Variants in ACSF2 observed in about 807,000 individuals in gnomAD.
The protein encoded by ACSF2 is acyl-CoA synthetase family member 2.
Under a neutral mutation model 79.3 loss-of-function variants are expected in ACSF2, and 52 were observed. The ratio of observed to expected loss-of-function variants is 0.66; its 90% CI spans 0.53 to 0.83. ACSF2 has a LOEUF of 0.83. Among genes scored for constraint, ACSF2 ranks in the 40% least tolerant of loss-of-function variants. The probability of loss-of-function intolerance (pLI) is 0.00; values close to 1 mark genes in which losing one functional copy is unlikely to be tolerated. For missense variants in ACSF2, 661 were observed against 803.3 expected, an observed-to-expected ratio of 0.82 and a Z score of 2.14; for synonymous variants, 283 against 312.6, an observed-to-expected ratio of 0.91 and a Z score of 1.00.
In ACSF2 at chr17:50,473,542, T is replaced by C. The variant is rs529587770; in HGVS notation, c.1476-123T>C. Reference sequence around the variant, plus strand: ...CAGAGACTGTGTCTTGTTCCTGCTATGTCTCCCAGAGTCTAGAGCAGTGGA... The same window carrying C: ...CAGAGACTGTGTCTTGTTCCTGCTACGTCTCCCAGAGTCTAGAGCAGTGGA... On this transcript the variant is annotated intron_variant, in intron 12 of 15. Coordinates refer to ENST00000300441, the MANE Select transcript of ACSF2 (RefSeq NM_025149.6). 1.3e-4 allele frequency: 171 copies of C among 1,363,162 alleles called. No individual in the cohort carries two copies. The Middle Eastern group carries it at 1.5e-3, about 12-fold the overall frequency. 84.4% of individuals were successfully genotyped at this position (1,363,162 alleles called of 1,614,324 possible). A position where few individuals can be genotyped will look rare whatever the true frequency, so the allele number is the denominator to read the frequency against.
Position 50,462,464 on chromosome 17 carries a change from C to G in ACSF2, c.671C>G (p.Pro224Arg). The G allele has an allele frequency of 6.2e-7, 1 of 1,605,338 alleles. No individual in the cohort carries two copies. The highest frequency in any genetic ancestry group is 8.5e-7 in the Non-Finnish European group (1 of 1,176,502). The change falls in exon 6 of 16, where the codon CCG (proline) becomes CGG (arginine). Residue 224 changes from proline to arginine, a missense_variant. By Grantham distance (103) the Pro-to-Arg change is moderately radical. Coordinates refer to ENST00000300441, the MANE Select transcript of ACSF2 (RefSeq NM_025149.6). Reference protein sequence around the residue: ...TTVISVDAPLPGTLLLDEVVA... With the variant: ...TTVISVDAPLRGTLLLDEVVA... ...GTCATCTCGGTGGATGCCCCTTTGC[C>G]GGGGACCCTGCTCCTGGATGAAGTG...
chr17:50,466,004 G>A, intron 10 of ACSF2: 1 of 869,590 alleles, frequency 1.1e-6, no homozygotes, highest in Non-Finnish European at 1.8e-6. Context: ...AGTTTTCAAA[G>A]CAGTATGACC....
chr17:50,464,334 C>A, intron 10 of ACSF2, 40 bp downstream of exon 10: 4 of 1,595,636 alleles, frequency 2.5e-6, no homozygotes, highest in Non-Finnish European at 3.4e-6. Context: ...GCAGGCCAGG[C>A]CTGGGATGAC....
chr17:50,439,259 T>TTTTTTTTG (rs1338650993), intron 1 of ACSF2, among the ~76,000 whole-genome samples: 1 of 147,232 alleles, frequency 6.8e-6, no homozygotes, highest in South Asian at 2.2e-4. Context: ...TTTTTTTTTT[T>TTTTTTTTG]AGAGATGGTC....
At chr17:50,448,532 A>T (rs1487755507) in intron 1 of ACSF2, among the ~76,000 whole-genome samples, 2 of 152,244 alleles carry the variant, frequency 1.3e-5, no homozygotes, top group African/African-American at 4.8e-5. Flanking sequence ...ACAGAAAAAA[A>T]GTCTTCAAGT....
At chr17:50,467,782 T>A (rs573769070) in intron 10 of ACSF2, 10 of 402,146 alleles carry the variant, frequency 2.5e-5, no homozygotes, top group African/African-American at 2.0e-4. Flanking sequence ...CTAGGGGGCC[T>A]TTTGTGGGGC....
At chr17:50,440,623 G>T (rs890020952) in intron 1 of ACSF2, among the ~76,000 whole-genome samples, 3 of 152,178 alleles carry the variant, frequency 2.0e-5, no homozygotes, top group African/African-American at 7.2e-5. Flanking sequence ...GTGACCTCTA[G>T]CCCCCGACTT....
chr17:50,473,476 G>T, intron 12 of ACSF2, 189 bp from the exon 13 acceptor site: 1 of 686,336 alleles, frequency 1.5e-6, no homozygotes, highest in Non-Finnish European at 2.4e-6. Flanking sequence ...GTATTGTTTT[G>T]TTTTTGTCTA....
At chr17:50,456,454 C>T (rs558814433) in intron 1 of ACSF2, among the ~76,000 whole-genome samples, 45 of 152,248 alleles carry the variant, frequency 3.0e-4, no homozygotes, top group South Asian at 8.3e-4. Context: ...ACCTGGTGGC[C>T]GGGCGCGGTG....
At chr17:50,448,306 T>C (rs2031431351) in intron 1 of ACSF2, among the ~76,000 whole-genome samples, 3 of 152,234 alleles carry the variant, frequency 2.0e-5, no homozygotes, top group Admixed American at 2.0e-4. Flanking sequence ...TATAATCTTA[T>C]GGGACCACTG....
chr17:50,468,812 A>G lies in ACSF2; in HGVS notation c.1216-2216A>G, dbSNP rs1341357487. ...GCTGAGCAAGAGCATTGGGCGGACC[A>G]TGGCTGGGACGCCTGGGGCCGGGGC... On this transcript the variant is annotated intron_variant, in intron 10 of 15. Transcript: ENST00000300441. The G allele has an allele frequency of 2.0e-6, 3 of 1,526,844 alleles. No individual in the cohort carries two copies. In the Admixed American group the frequency reaches 6.1e-5, roughly 31 times the overall value. The allele number at this position is 1,526,844 out of a possible 1,614,324, so 94.6% of individuals were successfully genotyped here. A position where few individuals can be genotyped will look rare whatever the true frequency, so the allele number is the denominator to read the frequency against.
chr17:50,443,609 CCAATTTCCAGG>C (rs1191130849), intron 1 of ACSF2, among the ~76,000 whole-genome samples: 6 of 152,198 alleles, frequency 3.9e-5, no homozygotes, highest in Non-Finnish European at 8.8e-5. Flanking sequence ...CTTTCCCTCT[CCAATTTCCAGG>C]CACGCCCAGC....
chr17:50,472,659 C>T, intron 12 of ACSF2, 80 bp downstream of exon 12: 1 of 1,489,412 alleles, frequency 6.7e-7, no homozygotes, highest in South Asian at 1.4e-5. Flanking sequence ...GAACATTAAC[C>T]TGGCACCGTG....
chr17:50,461,431 C>G, intron 3 of ACSF2, 61 bp downstream of exon 3: 6 of 1,607,836 alleles, frequency 3.7e-6, no homozygotes, highest in Non-Finnish European at 5.1e-6. Context: ...TGAAGGGGAG[C>G]CCCTCAGGCC....
intron 1 of ACSF2, among the ~76,000 whole-genome samples, chr17:50,429,164 G>A (rs1220518909): frequency 6.6e-6 from 1 of 152,256 alleles, no homozygotes; most frequent in African/African-American, 2.4e-5. Flanking sequence ...TCCTCTCCCT[G>A]TTGGTTGTAT....
At chr17:50,457,947 T>A (rs2032109020) in intron 1 of ACSF2, among the ~76,000 whole-genome samples, 1 of 152,132 alleles carries the variant, frequency 6.6e-6, no homozygotes. Flanking sequence ...AAAATTCAGA[T>A]TCTCCCGGTC....
chr17:50,465,747 TA>T (rs1291287605), intron 10 of ACSF2: 1 of 1,613,672 alleles, frequency 6.2e-7, no homozygotes, highest in African/African-American at 1.3e-5. Flanking sequence ...TTCCAGGGGT[TA>T]TTGGTAAGGG....
chr17:50,440,382 A>T, intron 1 of ACSF2, among the ~76,000 whole-genome samples: 1 of 152,152 alleles, frequency 6.6e-6, no homozygotes. Context: ...CCACCCCCCG[A>T]CAGGGGCAGG....
intron 1 of ACSF2, among the ~76,000 whole-genome samples, chr17:50,432,279 T>C (rs2029997600): frequency 6.6e-6 from 1 of 152,212 alleles, no homozygotes; most frequent in Non-Finnish European, 1.5e-5. Flanking sequence ...ACACACAGTT[T>C]GATGCCAAGG....
Sources: gnomAD v4.1 joint callset for allele counts (sites outside exome capture counted in the v4.1 genomes callset) on GRCh38, gnomAD v4.1.1 for gene constraint, MANE v1.5 for transcripts, NCBI Gene and HGNC (gene_info 2026-07-23, HGNC 2026-07-21) for gene names.